PIBF1: variants seen among roughly 807,000 people sequenced by gnomAD.
The protein encoded by PIBF1 is progesterone-induced-blocking factor 1.
Under a neutral mutation model 112.5 loss-of-function variants are expected in PIBF1, and 90 were observed. That is an observed-to-expected ratio of 0.80 (90% CI 0.67 to 0.95). The LOEUF (loss-of-function observed/expected upper bound fraction) is 0.95. Among genes scored for constraint, PIBF1 ranks in the 40% least tolerant of loss-of-function variants. PIBF1 has a pLI of 0.00. For missense variants in PIBF1, 915 were observed against 852.3 expected, an observed-to-expected ratio of 1.07 and a Z score of -0.92; for synonymous variants, 301 against 288.6, an observed-to-expected ratio of 1.04 and a Z score of -0.44.
At chr13:72,985,317 G>A (rs1205224659) in intron 16 of PIBF1, among the ~76,000 whole-genome samples, 3 of 146,224 alleles carry the variant, frequency 2.1e-5, no homozygotes, top group Non-Finnish European at 3.0e-5. Context: ...CACGAGGTCA[G>A]GAGATCAAGA....
chr13:73,008,685 G>A (rs9592876), intron 17 of PIBF1, among the ~76,000 whole-genome samples: 2,773 of 152,218 alleles, frequency 0.018, 35 homozygotes, highest in Middle Eastern at 0.034. Flanking sequence ...CAAATGCTAT[G>A]GAGAAAATGT....
chr13:72,996,078 A>G (rs1387409771), intron 16 of PIBF1, among the ~76,000 whole-genome samples: 2 of 99,018 alleles, frequency 2.0e-5, no homozygotes, highest in African/African-American at 7.1e-5. Context: ...CATAACAAAA[A>G]AAAAAAAGCG....
At chr13:72,928,016 CATATATATACAT>C (rs1378064298) in intron 13 of PIBF1, among the ~76,000 whole-genome samples, 2 of 53,996 alleles carry the variant, frequency 3.7e-5, no homozygotes, top group Non-Finnish European at 7.5e-5. Context: ...CATATATATA[CATATATATACAT>C]ATATATATAT....
At chr13:72,820,816 G>T (rs921313717) in intron 5 of PIBF1, among the ~76,000 whole-genome samples, 3 of 152,130 alleles carry the variant, frequency 2.0e-5, no homozygotes, top group African/African-American at 7.2e-5. Flanking sequence ...TGCAAGATTT[G>T]ATGAGTTCAA....
intron 10 of PIBF1, among the ~76,000 whole-genome samples, chr13:72,874,217 C>T (rs1277919671): frequency 6.6e-6 from 1 of 152,096 alleles, no homozygotes; most frequent in Non-Finnish European, 1.5e-5. Flanking sequence ...TAAACATAAA[C>T]TTAGTATAAG....
At chr13:72,908,894 C>CA (rs1400426858) in intron 12 of PIBF1, among the ~76,000 whole-genome samples, 11 of 150,016 alleles carry the variant, frequency 7.3e-5, no homozygotes, top group South Asian at 2.1e-4. Flanking sequence ...ACTAAAAATA[C>CA]AAAAAAAAAT....
intron 5 of PIBF1, among the ~76,000 whole-genome samples, chr13:72,801,988 A>G (rs911762878): frequency 1.5e-5 from 2 of 133,590 alleles, no homozygotes; most frequent in Non-Finnish European, 3.2e-5. Flanking sequence ...ATGTAAATGT[A>G]TTTTCTTAGG....
At chr13:72,803,448 G>C (rs9564918) in intron 5 of PIBF1, among the ~76,000 whole-genome samples, 1 of 152,062 alleles carries the variant, frequency 6.6e-6, no homozygotes, top group Non-Finnish European at 1.5e-5. Flanking sequence ...AGTGCTATCC[G>C]TGTAATAAAA....
chr13:72,822,123 T>C (rs965668085), intron 6 of PIBF1, 141 bp downstream of exon 6: 2 of 666,228 alleles, frequency 3.0e-6, no homozygotes, highest in Non-Finnish European at 4.8e-6. Context: ...TTTGGCAGTT[T>C]GTTGGGTTTA....
In PIBF1 at chr13:72,998,712, G is replaced by T. The variant is rs2043760433; in HGVS notation, c.2050-110G>T. On this transcript the variant is annotated intron_variant, in intron 16 of 17. Transcript: ENST00000326291. ...TTACTATTTTATTTTCACAACTTATGTGTGTAGTATAATTGTTTCTTCTAC... is the reference window on the plus strand; with the variant it reads ...TTACTATTTTATTTTCACAACTTATTTGTGTAGTATAATTGTTTCTTCTAC... 4.5e-6 allele frequency: 3 copies of T among 669,074 alleles called. No individual in the cohort carries two copies. In the South Asian group the frequency reaches 6.0e-5, roughly 13 times the overall value. The allele number at this position is 669,074 out of a possible 1,614,324, so 41.4% of individuals were successfully genotyped here.
chr13:72,926,608 C>T (rs1019307441), intron 13 of PIBF1, among the ~76,000 whole-genome samples: 1 of 152,156 alleles, frequency 6.6e-6, no homozygotes, highest in Non-Finnish European at 1.5e-5. Flanking sequence ...AAAATCCAAA[C>T]ATACAAGGCT....
chr13:72,979,438 T>C (rs79730811), intron 16 of PIBF1, among the ~76,000 whole-genome samples: 1 of 152,304 alleles, frequency 6.6e-6, no homozygotes, highest in Non-Finnish European at 1.5e-5. Flanking sequence ...AAATGCCTAA[T>C]AGAATACTGA....
Position 72,919,115 on chromosome 13 carries a change from T to A in PIBF1, c.1730+1949T>A, listed in dbSNP as rs115504889. Among the ~76,000 whole-genome samples the A allele has an allele frequency of 3.4e-3, 522 of 152,332 alleles. 5 individuals are homozygous for A. Among genetic ancestry groups the A allele is most frequent in the African/African-American group, 0.012 (497 of 41,586 alleles). ...TTTGAGAATTCAGAGTTGCTTTTTT[T>A]TATGTGAACTGATTTAGACATTTAG... On this transcript the variant is annotated intron_variant, in intron 13 of 17. Transcript: ENST00000326291.
chr13:72,933,022 G>A (rs2041757391), intron 14 of PIBF1, among the ~76,000 whole-genome samples: 1 of 152,256 alleles, frequency 6.6e-6, no homozygotes, highest in South Asian at 2.1e-4. Flanking sequence ...GTCTTTGTAT[G>A]AAATAATAGA....
At chr13:72,963,974 A>G (rs1388810933) in intron 14 of PIBF1, among the ~76,000 whole-genome samples, 2 of 152,194 alleles carry the variant, frequency 1.3e-5, no homozygotes, top group Admixed American at 6.5e-5. Context: ...GTTCTACTCC[A>G]CTTCTAGGTA....
chr13:73,002,952 C>CAG (rs1257735921), intron 17 of PIBF1, among the ~76,000 whole-genome samples: 2 of 127,978 alleles, frequency 1.6e-5, no homozygotes, highest in Non-Finnish European at 3.1e-5. Context: ...CTCCACACTC[C>CAG]AGCCTGGACG....
intron 16 of PIBF1, among the ~76,000 whole-genome samples, chr13:72,995,771 G>A (rs1159646590): frequency 6.6e-6 from 1 of 152,032 alleles, no homozygotes; most frequent in Non-Finnish European, 1.5e-5. Flanking sequence ...CCAAGATGGT[G>A]AAACCCCGTC....
chr13:72,885,519 C>A (rs2039815613), intron 10 of PIBF1, among the ~76,000 whole-genome samples: 1 of 152,020 alleles, frequency 6.6e-6, no homozygotes, highest in African/African-American at 2.4e-5. Flanking sequence ...TCTGGATATA[C>A]CATTATCTCA....
At position 72,835,268 on chromosome 13, in the gene PIBF1, A is replaced by T; in HGVS notation, c.1123A>T (p.Asn375Tyr). 6.4e-7 allele frequency: 1 copy of T among 1,573,258 alleles called. No homozygotes were observed. Among genetic ancestry groups the T allele is most frequent in the Non-Finnish European group, 8.6e-7 (1 of 1,165,620 alleles). Residue 375 changes from asparagine (N) to tyrosine (Y), a missense_variant, in exon 9 of 18, where the codon AAT becomes TAT. Transcript: ENST00000326291. ...AGACCATTATAAAACAGAATATGAA[A>T]ATAAACTACATGATGAACTAGAACA... ...SRDHYKTEYE[N>Y]KLHDELEQIR...
Sources: allele counts gnomAD v4.1 joint callset (sites outside exome capture counted in the v4.1 genomes callset), GRCh38; gene constraint gnomAD v4.1.1; transcripts MANE v1.5; gene names NCBI Gene and HGNC (gene_info 2026-07-23, HGNC 2026-07-21).